KRABD5: variants seen among roughly 807,000 people sequenced by gnomAD.
The protein encoded by KRABD5 is KRAB domain-containing protein 5.
At chr16:31,738,270 T>G in the KRABD5 span, among the ~76,000 whole-genome samples, 1 of 152,148 alleles carries the variant, frequency 6.6e-6, no homozygotes. Flanking sequence ...TCTTATTCTT[T>G]CCATTACTGA....
At chr16:31,750,151 T>C in the KRABD5 span, among the ~76,000 whole-genome samples, 1 of 152,350 alleles carries the variant, frequency 6.6e-6, no homozygotes, top group Middle Eastern at 3.4e-3. Flanking sequence ...TTTAATGATG[T>C]TGATTCTTTG....
chr16:31,728,942 A>G, the KRABD5 span, among the ~76,000 whole-genome samples: 1 of 152,282 alleles, frequency 6.6e-6, no homozygotes, highest in African/African-American at 2.4e-5. Context: ...TATGCTTTAT[A>G]TATTTAAGTA....
chr16:31,730,301 T>G, the KRABD5 span, among the ~76,000 whole-genome samples: 1 of 152,132 alleles, frequency 6.6e-6, no homozygotes, highest in Non-Finnish European at 1.5e-5. Context: ...TTGTTGTGTA[T>G]AGCCTACTTA....
the KRABD5 span, chr16:31,756,491 A>G: frequency 7.1e-6 from 1 of 141,586 alleles, no homozygotes; most frequent in Non-Finnish European, 1.5e-5. Context: ...CACAGATATC[A>G]GAGAAAAGTG....
the KRABD5 span, among the ~76,000 whole-genome samples, chr16:31,732,607 C>T: frequency 3.9e-5 from 6 of 152,026 alleles, no homozygotes; most frequent in South Asian, 2.1e-4. Flanking sequence ...TAATTCTCAC[C>T]ATATTTTGCA....
At chr16:31,758,241 G>A in the KRABD5 span, 1 of 152,132 alleles carries the variant, frequency 6.6e-6, no homozygotes, top group Non-Finnish European at 1.5e-5. Context: ...CCAACAATAT[G>A]AGCAATAAGT....
At chr16:31,735,264 T>TA in the KRABD5 span, among the ~76,000 whole-genome samples, 4 of 152,224 alleles carry the variant, frequency 2.6e-5, no homozygotes. Context: ...AATGGCTGAA[T>TA]AGTAATTCAT....
At chr16:31,732,316 T>G in the KRABD5 span, among the ~76,000 whole-genome samples, 3 of 152,236 alleles carry the variant, frequency 2.0e-5, no homozygotes, top group Admixed American at 1.3e-4. Flanking sequence ...TCCTATTCTG[T>G]CATCTTGCTT....
At chr16:31,744,030 A>G in the KRABD5 span, among the ~76,000 whole-genome samples, 1 of 152,030 alleles carries the variant, frequency 6.6e-6, no homozygotes, top group African/African-American at 2.4e-5. Flanking sequence ...TTTGGCTGAG[A>G]TGACTGGTTT....
At chr16:31,759,171 C>G in the KRABD5 span, 1 of 535,574 alleles carries the variant, frequency 1.9e-6, no homozygotes, top group Non-Finnish European at 3.3e-6. Flanking sequence ...CATAATAGCC[C>G]AAAACAGGAA....
chr16:31,733,993 G>T, the KRABD5 span, among the ~76,000 whole-genome samples: 1 of 152,124 alleles, frequency 6.6e-6, no homozygotes, highest in Non-Finnish European at 1.5e-5. Context: ...TCATTGCCAA[G>T]ACCAATTTTC....
chr16:31,731,317 G>A, the KRABD5 span, among the ~76,000 whole-genome samples: 9 of 152,202 alleles, frequency 5.9e-5, no homozygotes, highest in Non-Finnish European at 1.2e-4. Context: ...AGACCTACTA[G>A]CAGGGCATAG....
the KRABD5 span, among the ~76,000 whole-genome samples, chr16:31,731,617 C>T: frequency 2.0e-5 from 3 of 152,234 alleles, no homozygotes; most frequent in African/African-American, 7.2e-5. Flanking sequence ...TGTCTCCTTC[C>T]AGGTTTCTCA....
chr16:31,736,800 G>A, the KRABD5 span, among the ~76,000 whole-genome samples: 2 of 152,040 alleles, frequency 1.3e-5, no homozygotes, highest in Admixed American at 6.5e-5. Context: ...GATTACAGGC[G>A]TGAGCCACTG....
chr16:31,728,186 T>C, the KRABD5 span, among the ~76,000 whole-genome samples: 1 of 152,202 alleles, frequency 6.6e-6, no homozygotes, highest in Admixed American at 6.5e-5. Context: ...TCTCTCTTTT[T>C]GATCCTTTGC....
the KRABD5 span, among the ~76,000 whole-genome samples, chr16:31,729,611 G>C: frequency 1.3e-5 from 2 of 152,088 alleles, no homozygotes; most frequent in Non-Finnish European, 2.9e-5. Context: ...GTGACATTCA[G>C]TCTTTATCAA....
chr16:31,755,697 T>A, the KRABD5 span: 11 of 419,786 alleles, frequency 2.6e-5, no homozygotes, highest in Admixed American at 1.2e-4. Flanking sequence ...CATAAAAGTA[T>A]TCATACTAGA....
the KRABD5 span, among the ~76,000 whole-genome samples, chr16:31,736,478 A>G: frequency 7.1e-6 from 1 of 141,446 alleles, no homozygotes; most frequent in Admixed American, 7.0e-5. Context: ...CGTTAAATCT[A>G]TAGGTCACTT....
chr16:31,744,273 C>T, the KRABD5 span, among the ~76,000 whole-genome samples: 1 of 152,046 alleles, frequency 6.6e-6, no homozygotes, highest in African/African-American at 2.4e-5. Context: ...TCATAAATAG[C>T]TCTTATTATT....
Sources: allele counts gnomAD v4.1 joint callset (sites outside exome capture counted in the v4.1 genomes callset), GRCh38; gene constraint gnomAD v4.1.1; transcripts MANE v1.5; gene names NCBI Gene and HGNC (gene_info 2026-07-23, HGNC 2026-07-21).